The following LRRC9 variants were observed in gnomAD, a reference collection of about 807,000 sequenced individuals.
LRRC9 encodes leucine rich repeat containing 9, also known as leucine-rich repeat-containing protein 9.
A neutral mutation model predicts 63.2 loss-of-function variants in LRRC9; 122 were observed. The observed-to-expected ratio is 1.93, with a 90% CI of 1.67 to 2.24. LRRC9 has a LOEUF of 2.24. LRRC9 is among the 30% of genes most tolerant of loss of function. The probability of loss-of-function intolerance (pLI) is 0.00; values close to 1 mark genes in which losing one functional copy is unlikely to be tolerated. For missense variants in LRRC9, 1,071 were observed against 627.7 expected (o/e 1.71, Z -7.55); for synonymous variants, 366 against 213.1 (o/e 1.72, Z -6.25).
At chr14:60,007,961 AAGTAT>A in intron 22 of LRRC9, 126 bp from the exon 23 acceptor site, 1 of 366,066 alleles carries the variant, frequency 2.7e-6, no homozygotes, top group Non-Finnish European at 4.8e-6. Context: ...AAAAAAAAAA[AAGTAT>A]ACTTAAAGGC....
In LRRC9 at chr14:59,942,778, C is replaced by CT. The variant is rs964320760; in HGVS notation, c.727-1801dup. Among the ~76,000 whole-genome samples, 336 of 148,276 alleles carry CT rather than the reference C, an allele frequency of 2.3e-3. 1 individual carries two copies. The highest frequency in any genetic ancestry group is 3.3e-3 in the Non-Finnish European group (221 of 67,328). ...CATCCTCGCCAGCATCTCTCTCTCT[C>CT]TTTTTTTTTTCTGTCTTTTTGATAA... is the stretch of plus-strand genomic sequence containing the variant. On this transcript the variant is annotated intron_variant, in intron 7 of 31. Transcript: ENST00000445360. The surrounding 1 kb of genome is among the most constrained non-coding windows in gnomAD (Gnocchi z 5.3).
In LRRC9 at chr14:60,019,210, G is replaced by GAGGT. The variant is rs1374016160; in HGVS notation, c.3517_3518insGGTA (p.Lys1173ArgfsTer2). The GAGGT allele has an allele frequency of 1.4e-6, 1 of 700,036 alleles. No homozygotes were observed. Among genetic ancestry groups the GAGGT allele is most frequent in the Non-Finnish European group, 2.6e-6 (1 of 383,222 alleles). 43.4% of individuals were successfully genotyped at this position (700,036 alleles called of 1,614,324 possible). A position where few individuals can be genotyped will look rare whatever the true frequency, so the allele number is the denominator to read the frequency against. ...TAACCAGTAGACAACTACTGTACCA[G>GAGGT]AAAGTGCCTTCAAGTGGCTATGGAC... On this transcript the variant is annotated frameshift_variant, in exon 26 of 32. Coordinates refer to ENST00000445360, the Ensembl canonical transcript of LRRC9. LOFTEE classifies it high-confidence loss of function.
chr14:59,941,234 A>T (rs2139840439), intron 7 of LRRC9, among the ~76,000 whole-genome samples: 1 of 152,100 alleles, frequency 6.6e-6, no homozygotes, highest in African/African-American at 2.4e-5. Flanking sequence ...GATATAGTAG[A>T]CACTAAAATC....
intron 8 of LRRC9, among the ~76,000 whole-genome samples, chr14:59,947,120 C>T (rs1321561486): frequency 2.0e-5 from 3 of 150,264 alleles, no homozygotes; most frequent in African/African-American, 4.9e-5. Flanking sequence ...TACAGTCCCA[C>T]CAACAGTGTA....
intron 15 of LRRC9, among the ~76,000 whole-genome samples, chr14:59,979,029 T>C (rs1476101489): frequency 6.6e-6 from 1 of 152,190 alleles, no homozygotes; most frequent in Non-Finnish European, 1.5e-5. Context: ...ACGAACCAAA[T>C]GTTATATCTT....
At position 60,027,507 on chromosome 14, in the gene LRRC9, T is replaced by C. The variant is rs1234422173; in HGVS notation, c.3704-377T>C. 6.6e-6 allele frequency among the ~76,000 whole-genome samples: 1 copy of C among 152,048 alleles called. No homozygotes were observed. Among genetic ancestry groups the C allele is most frequent in the East Asian group, 1.9e-4 (1 of 5,186 alleles). ...GTCTATTTTAAGAAATAATTAAATA[T>C]ACTATTGTAATATCTATTAGAGTAC... On this transcript the variant is annotated intron_variant, in intron 27 of 31. Transcript: ENST00000445360. This position sits in a 1 kb window ranked among gnomAD's most constrained non-coding sequence, Gnocchi z 4.0.
intron 12 of LRRC9, among the ~76,000 whole-genome samples, chr14:59,972,419 T>G (rs1343172577): frequency 1.3e-5 from 2 of 152,112 alleles, no homozygotes; most frequent in African/African-American, 4.8e-5. Flanking sequence ...CCTTTGACTA[T>G]GAAATTGGAA....
intron 22 of LRRC9, among the ~76,000 whole-genome samples, chr14:60,007,212 T>C (rs1192183623): frequency 6.6e-6 from 1 of 152,136 alleles, no homozygotes; most frequent in Non-Finnish European, 1.5e-5. Context: ...TTGTGTCCAT[T>C]TCCTGTCTTT....
At chr14:59,941,543 A>T (rs1881766768) in intron 7 of LRRC9, among the ~76,000 whole-genome samples, 1 of 151,942 alleles carries the variant, frequency 6.6e-6, no homozygotes, top group Admixed American at 6.6e-5. Context: ...AAGTTTAGTA[A>T]GTATTATGTA....
At chr14:59,991,923 G>A (rs1010844556) in intron 17 of LRRC9, among the ~76,000 whole-genome samples, 3 of 152,210 alleles carry the variant, frequency 2.0e-5, no homozygotes, top group African/African-American at 7.2e-5. Context: ...AGAATCCTCT[G>A]CAGACGTAAA....
rs887240216 is a variant in LRRC9, at chr14:60,060,390, G to A, written c.4276+2368G>A. Among the ~76,000 whole-genome samples, 1 of 152,146 alleles carries A rather than the reference G, an allele frequency of 6.6e-6. No individual in the cohort carries two copies. The highest frequency in any genetic ancestry group is 2.4e-5 in the African/African-American group (1 of 41,420). On this transcript the variant is annotated intron_variant, in intron 31 of 31. Coordinates refer to ENST00000445360, the Ensembl canonical transcript of LRRC9. The surrounding 1 kb of genome is among the most constrained non-coding windows in gnomAD (Gnocchi z 4.0). ...CATGCTGTGGCTGATGGATCAAGGA[G>A]TAACTTCAAGTATTATGATTTAAGA...
Position 59,986,650 on chromosome 14 carries a change from T to G in LRRC9, c.2211+1426T>G, listed in dbSNP as rs181008997. Among the ~76,000 whole-genome samples the G allele has an allele frequency of 6.9e-3, 1,049 of 152,322 alleles. 9 individuals carry two copies. The highest frequency in any genetic ancestry group is 0.011 in the Admixed American group (172 of 15,306). On this transcript the variant is annotated intron_variant, in intron 17 of 31. Transcript: ENST00000445360. The surrounding 1 kb of genome is among the most constrained non-coding windows in gnomAD (Gnocchi z 4.7). ...CAAAATTACGACAGTCATTATAATTTTGCTTAGGCACAGATTTAAAGAGTA... is the reference window on the plus strand; with the variant it reads ...CAAAATTACGACAGTCATTATAATTGTGCTTAGGCACAGATTTAAAGAGTA...
At chr14:60,035,567 CT>C (rs1291168616) in intron 29 of LRRC9, among the ~76,000 whole-genome samples, 2 of 152,166 alleles carry the variant, frequency 1.3e-5, no homozygotes, top group East Asian at 3.9e-4. Context: ...GAGTTATCCA[CT>C]TTTCCCAGAA....
rs1486780282 is a variant in LRRC9 at position 59,966,515 on chromosome 14, GT to G, written c.1212-70del. 2 of 482,646 alleles carry G rather than the reference GT, an allele frequency of 4.1e-6. No homozygotes were observed. The highest frequency in any genetic ancestry group is 3.9e-5 in the African/African-American group (2 of 51,912). 29.9% of individuals were successfully genotyped at this position (482,646 alleles called of 1,614,324 possible). ...TATGAGCTATAACTTTTATCACGTA[GT>G]TTTCTGTTCTTAAACATTTTAAGGA... On this transcript the variant is annotated intron_variant, in intron 10 of 31. Coordinates refer to ENST00000445360, the Ensembl canonical transcript of LRRC9. This position sits in a 1 kb window ranked among gnomAD's most constrained non-coding sequence, Gnocchi z 4.0.
rs1321144820 is a variant in LRRC9, at chr14:59,932,811, A to G, written c.543+772A>G. 6.6e-6 allele frequency among the ~76,000 whole-genome samples: 1 copy of G among 152,142 alleles called. No homozygotes were observed. Among genetic ancestry groups the G allele is most frequent in the Non-Finnish European group, 1.5e-5 (1 of 68,000 alleles). ...CCTGTGTTTGTCCTTTCCCTACTAT[A>G]GATCTGTTCTCCACACAGAAGCCTG... On this transcript the variant is annotated intron_variant, in intron 6 of 31. Transcript: ENST00000445360. The surrounding 1 kb of genome is among the most constrained non-coding windows in gnomAD (Gnocchi z 4.7).
downstream of LRRC9, among the ~76,000 whole-genome samples, chr14:60,064,535 TCTTTA>T (rs1406206852): frequency 3.9e-5 from 6 of 152,230 alleles, no homozygotes; most frequent in Admixed American, 6.5e-5. Flanking sequence ...ATGCTGTATG[TCTTTA>T]CTTTAATCAT....
intron 23 of LRRC9, among the ~76,000 whole-genome samples, chr14:60,010,840 C>T (rs1566873831): frequency 6.6e-6 from 1 of 152,150 alleles, no homozygotes; most frequent in Non-Finnish European, 1.5e-5. Flanking sequence ...CCAACAAGTT[C>T]CTTGTCTCCA....
intron 27 of LRRC9, among the ~76,000 whole-genome samples, chr14:60,026,560 C>A (rs976426417): frequency 1.3e-5 from 2 of 152,012 alleles, no homozygotes; most frequent in Admixed American, 1.3e-4. Context: ...CTTTGCTGTT[C>A]AGGAGCTTTT....
At chr14:60,062,326 A>G (rs2140477129) in intron 31 of LRRC9, 147 bp downstream of exon 32, 1 of 390,710 alleles carries the variant, frequency 2.6e-6, no homozygotes, top group East Asian at 3.6e-5. Context: ...AGATAGCATA[A>G]GACTTCTTAA....
Sources: allele counts gnomAD v4.1 joint callset (sites outside exome capture counted in the v4.1 genomes callset), GRCh38; gene constraint gnomAD v4.1.1; non-coding constraint Gnocchi (gnomAD v3.1); transcripts MANE v1.5; gene names NCBI Gene and HGNC (gene_info 2026-07-23, HGNC 2026-07-21).